SOX6: variants seen among roughly 807,000 people sequenced by gnomAD.
SOX6 encodes the protein transcription factor SOX-6.
SOX6 carries 11 observed loss-of-function variants against 97.8 expected under a neutral mutation model. That is an observed-to-expected ratio of 0.11 (90% CI 0.07 to 0.19). SOX6 has a LOEUF of 0.19. Among genes scored for constraint, SOX6 ranks in the 10% least tolerant of loss-of-function variants. SOX6 has a pLI of 1.00. For synonymous variants in SOX6, 360 were observed against 371.4 expected, an observed-to-expected ratio of 0.97 and a Z score of 0.35; for missense variants, 810 against 1,039.5, an observed-to-expected ratio of 0.78 and a Z score of 3.04.
chr11:16,429,892 G>A (rs900913657), intron 1 of SOX6, among the ~76,000 whole-genome samples: 2 of 152,158 alleles, frequency 1.3e-5, no homozygotes, highest in Admixed American at 1.3e-4. Context: ...AGGGTAGAAG[G>A]TAGCTATAAT....
chr11:16,696,535 G>A (rs1012756682), intron 3 of SOX6, among the ~76,000 whole-genome samples: 3 of 152,078 alleles, frequency 2.0e-5, no homozygotes, highest in Non-Finnish European at 4.4e-5. Flanking sequence ...TGAGTCACAT[G>A]AATTTTTTTT....
intron 6 of SOX6, among the ~76,000 whole-genome samples, chr11:16,141,339 C>T (rs989886760): frequency 2.0e-5 from 3 of 152,142 alleles, no homozygotes; most frequent in Non-Finnish European, 4.4e-5. Context: ...GTTCCCAGCC[C>T]TGACTGCTTC....
At chr11:16,425,640 G>T (rs1347725600) in intron 1 of SOX6, among the ~76,000 whole-genome samples, 1 of 152,122 alleles carries the variant, frequency 6.6e-6, no homozygotes, top group Non-Finnish European at 1.5e-5. Flanking sequence ...CAAAATCCAT[G>T]TGCAAAAAAC....
chr11:16,620,888 T>A (rs1258812845), intron 3 of SOX6, among the ~76,000 whole-genome samples: 1 of 152,196 alleles, frequency 6.6e-6, no homozygotes, highest in Non-Finnish European at 1.5e-5. Context: ...AGCCACCAAC[T>A]ATCACAATTT....
intron 3 of SOX6, among the ~76,000 whole-genome samples, chr11:16,710,805 A>G (rs1848173679): frequency 6.6e-6 from 1 of 152,186 alleles, no homozygotes; most frequent in African/African-American, 2.4e-5. Flanking sequence ...TTGACTATCT[A>G]TCTACTTTGT....
chr11:16,040,683 T>C (rs1464943259), intron 12 of SOX6, among the ~76,000 whole-genome samples: 2 of 152,056 alleles, frequency 1.3e-5, no homozygotes, highest in African/African-American at 2.4e-5. Context: ...GTGTCTTGTT[T>C]TAGATTTTAA....
intron 10 of SOX6, 42 bp downstream of exon 10, chr11:16,055,710 T>C: frequency 6.2e-7 from 1 of 1,612,784 alleles, no homozygotes; most frequent in South Asian, 1.1e-5. Flanking sequence ...CTTGTGAAAC[T>C]TTTTTCTAAA....
At chr11:16,015,285 T>C (rs1854851673) in intron 12 of SOX6, 2 of 554,252 alleles carry the variant, frequency 3.6e-6, no homozygotes, top group Non-Finnish European at 3.2e-6. Flanking sequence ...ACAGGGAACC[T>C]GCCAGAGCTT....
Position 15,969,427 on chromosome 11 carries a change from C to T in SOX6, c.*3382G>A, listed in dbSNP as rs1342757201. ...AACTGTAGTGGAAATTTAGTATGTC[C>T]AATCATCAACTTTCTGTAAGAAAAA... On this transcript the variant is annotated 3_prime_UTR_variant, in exon 16 of 16. Transcript: ENST00000683767. 6.6e-6 allele frequency: 1 copy of T among 152,066 alleles called. No individual in the cohort carries two copies. Among genetic ancestry groups the T allele is most frequent in the Admixed American group, 6.6e-5 (1 of 15,266 alleles). The allele number at this position is 152,066 out of a possible 1,614,324, so 9.4% of individuals were successfully genotyped here.
intron 4 of SOX6, among the ~76,000 whole-genome samples, chr11:16,200,956 A>G (rs990513833): frequency 1.5e-4 from 23 of 152,052 alleles, no homozygotes; most frequent in African/African-American, 5.1e-4. Flanking sequence ...AAATATATAC[A>G]TATATATAAA....
chr11:16,323,715 A>G (rs1855991074), intron 2 of SOX6, among the ~76,000 whole-genome samples: 1 of 152,132 alleles, frequency 6.6e-6, no homozygotes, highest in Admixed American at 6.6e-5. Context: ...ATTTAATAAT[A>G]TACTGGAATA....
chr11:16,491,530 TCTGTGTGTGTGTGC>T (rs1860510872), intron 4 of SOX6, among the ~76,000 whole-genome samples: 1 of 152,044 alleles, frequency 6.6e-6, no homozygotes, highest in Non-Finnish European at 1.5e-5. Flanking sequence ...TGTGCGTGTG[TCTGTGTGTGTGTGC>T]CTAATATAGT....
chr11:16,459,289 A>G (rs1347026932), intron 1 of SOX6, among the ~76,000 whole-genome samples: 1 of 152,120 alleles, frequency 6.6e-6, no homozygotes, highest in African/African-American at 2.4e-5. Flanking sequence ...CACTGAAAGC[A>G]TGACAGAGCA....
At chr11:16,049,635 A>G (rs1243401130) in intron 11 of SOX6, 120 bp downstream of exon 11, 1 of 1,159,066 alleles carries the variant, frequency 8.6e-7, no homozygotes, top group African/African-American at 1.6e-5. Flanking sequence ...AGTAGAAAAG[A>G]TAAGAGTATT....
chr11:16,345,505 G>T (rs867404579), intron 1 of SOX6, among the ~76,000 whole-genome samples: 1 of 151,980 alleles, frequency 6.6e-6, no homozygotes, highest in Non-Finnish European at 1.5e-5. Context: ...TAGGAAGTCA[G>T]TACGAACACC....
chr11:16,286,254 C>T (rs1418166388), intron 3 of SOX6, among the ~76,000 whole-genome samples: 1 of 152,034 alleles, frequency 6.6e-6, no homozygotes, highest in Non-Finnish European at 1.5e-5. Context: ...ATCTATGCAA[C>T]TTAGTTTTGT....
intron 4 of SOX6, among the ~76,000 whole-genome samples, chr11:16,523,610 G>A (rs1861106795): frequency 6.6e-6 from 1 of 152,076 alleles, no homozygotes; most frequent in Non-Finnish European, 1.5e-5. Flanking sequence ...AAAGCTAGCA[G>A]AAGGCAAGAA....
intron 1 of SOX6, among the ~76,000 whole-genome samples, chr11:16,417,683 T>A (rs1170893483): frequency 8.5e-5 from 13 of 152,336 alleles, no homozygotes; most frequent in African/African-American, 3.1e-4. Context: ...ATACATCTTA[T>A]TTTTTAAAAG....
intron 13 of SOX6, among the ~76,000 whole-genome samples, chr11:16,004,330 G>A (rs1854489962): frequency 6.6e-6 from 1 of 151,960 alleles, no homozygotes; most frequent in African/African-American, 2.4e-5. Context: ...CTTTCCATCA[G>A]AATGAATTTC....
Sources: gnomAD v4.1 joint callset for allele counts (sites outside exome capture counted in the v4.1 genomes callset) on GRCh38, gnomAD v4.1.1 for gene constraint, MANE v1.5 for transcripts, NCBI Gene and HGNC (gene_info 2026-07-23, HGNC 2026-07-21) for gene names.